Variants in OCIAD1 observed in about 807,000 individuals in gnomAD.
OCIAD1 encodes OCIA domain-containing protein 1.
Under a neutral mutation model 38.9 loss-of-function variants are expected in OCIAD1, and 29 were observed. The observed-to-expected ratio is 0.74, with a 90% CI of 0.55 to 1.02. OCIAD1 has a LOEUF of 1.02. OCIAD1 is among the 50% of genes least tolerant of loss of function. OCIAD1 has a pLI of 0.00. For missense variants in OCIAD1, 288 were observed against 289.6 expected (o/e 0.99, Z 0.04); for synonymous variants, 110 against 92.0 (o/e 1.20, Z -1.12).
chr4:48,835,700 G>A (rs907066206), intron 3 of OCIAD1, among the ~76,000 whole-genome samples: 1 of 152,082 alleles, frequency 6.6e-6, no homozygotes, highest in Non-Finnish European at 1.5e-5. Context: ...CTCCCCAAAT[G>A]GTGGAATTTC....
chr4:48,855,036 C>G (rs1475337837), intron 7 of OCIAD1, among the ~76,000 whole-genome samples: 3 of 152,194 alleles, frequency 2.0e-5, no homozygotes, highest in Admixed American at 2.0e-4. Context: ...AAATTCTCCC[C>G]AGTCTTCTTC....
intron 8 of OCIAD1, among the ~76,000 whole-genome samples, chr4:48,857,890 A>G (rs1780217468): frequency 6.6e-6 from 1 of 152,172 alleles, no homozygotes; most frequent in Admixed American, 6.5e-5. Context: ...GTGGTGTCTC[A>G]TGCCTGAAAT....
intron 1 of OCIAD1, among the ~76,000 whole-genome samples, chr4:48,816,443 G>A (rs1480458773): frequency 2.0e-5 from 3 of 151,254 alleles, no homozygotes; most frequent in African/African-American, 7.3e-5. Context: ...CGAGGCAGGG[G>A]AATCGCTTGA....
chr4:48,811,548 C>G (rs1011900402), intron 1 of OCIAD1, among the ~76,000 whole-genome samples: 1 of 152,194 alleles, frequency 6.6e-6, no homozygotes, highest in Non-Finnish European at 1.5e-5. Context: ...CAGATATCTG[C>G]ATAATACAAT....
In OCIAD1 at chr4:48,833,498, A is replaced by G. The variant is rs1424734312; in HGVS notation, c.139+17A>G. ...GGTTCAGATGTGAGTTCAATTTTCTAATTAATATAATTTGATCCAAAATTT... is the reference window on the plus strand; with the variant it reads ...GGTTCAGATGTGAGTTCAATTTTCTGATTAATATAATTTGATCCAAAATTT... On this transcript the variant is annotated intron_variant, in intron 3 of 8. Coordinates refer to ENST00000264312, the MANE Select transcript of OCIAD1 (RefSeq NM_017830.4). The G allele has an allele frequency of 4.1e-6, 6 of 1,452,728 alleles. No individual in the cohort carries two copies. Among genetic ancestry groups the G allele is most frequent in the Non-Finnish European group, 3.8e-6 (4 of 1,051,420 alleles). 90.0% of individuals were successfully genotyped at this position (1,452,728 alleles called of 1,614,324 possible).
chr4:48,836,712 GAT>G (rs1314293231), intron 3 of OCIAD1, among the ~76,000 whole-genome samples: 1 of 152,210 alleles, frequency 6.6e-6, no homozygotes, highest in Non-Finnish European at 1.5e-5. Context: ...CAGTTAGGAA[GAT>G]AGAGGAGCTC....
intron 3 of OCIAD1, among the ~76,000 whole-genome samples, chr4:48,835,714 C>A (rs1290017880): frequency 6.6e-6 from 1 of 152,116 alleles, no homozygotes; most frequent in African/African-American, 2.4e-5. Context: ...GAATTTCAAG[C>A]ATGAGCCACT....
intron 7 of OCIAD1, among the ~76,000 whole-genome samples, chr4:48,854,291 G>C (rs1779807908): frequency 6.6e-6 from 1 of 152,112 alleles, no homozygotes; most frequent in Non-Finnish European, 1.5e-5. Context: ...GCTGGACAAA[G>C]GGATGATTCA....
intron 6 of OCIAD1, among the ~76,000 whole-genome samples, chr4:48,850,596 A>G (rs1779351350): frequency 6.6e-6 from 1 of 152,104 alleles, no homozygotes; most frequent in African/African-American, 2.4e-5. Context: ...GTTTTGAGAC[A>G]GAGTTTCACT....
Position 48,849,948 on chromosome 4 carries a change from T to C in OCIAD1, c.243T>C (p.Leu81=). ...TTTTTGTTTGATTTTACAAATAAGT[T>C]GCTTGTATCATGGGATACTTTGCTG... The part of the protein sequence containing the change: ...PKYGSIPKLI[L]ACIMGYFAGK... Residue 81 remains leucine, a splice_region_variant and synonymous_variant, in exon 6 of 9, where the codon CTT becomes CTC. Transcript: ENST00000264312. The C allele has an allele frequency of 6.3e-7, 1 of 1,599,614 alleles. No homozygotes were observed. The highest frequency in any genetic ancestry group is 1.1e-5 in the South Asian group (1 of 87,140).
chr4:48,817,411 G>A (rs756119111), intron 1 of OCIAD1, among the ~76,000 whole-genome samples: 10 of 151,728 alleles, frequency 6.6e-5, no homozygotes, highest in Admixed American at 1.3e-4. Flanking sequence ...CTACCCAGCC[G>A]GGTTACTACA....
chr4:48,829,086 T>A (rs1777285895), upstream of OCIAD1, among the ~76,000 whole-genome samples: 1 of 152,084 alleles, frequency 6.6e-6, no homozygotes. Flanking sequence ...GTAGTGAAAC[T>A]CTGTCTCTTC....
chr4:48,812,211 A>G (rs1049230641), intron 1 of OCIAD1, among the ~76,000 whole-genome samples: 2 of 126,612 alleles, frequency 1.6e-5, no homozygotes, highest in African/African-American at 6.0e-5. Flanking sequence ...TGAACCCAGG[A>G]GGTGGAGGTT....
At chr4:48,821,647 C>T (rs1207599769) in intron 1 of OCIAD1, among the ~76,000 whole-genome samples, 1 of 152,176 alleles carries the variant, frequency 6.6e-6, no homozygotes, top group African/African-American at 2.4e-5. Context: ...TAGAAAACCA[C>T]ATTGTCTCAG....
intron 1 of OCIAD1, among the ~76,000 whole-genome samples, chr4:48,806,995 C>G (rs1450719267): frequency 6.6e-6 from 1 of 152,114 alleles, no homozygotes; most frequent in Non-Finnish European, 1.5e-5. Flanking sequence ...CCTCAAACTC[C>G]TGGGCTCAAG....
intron 8 of OCIAD1, among the ~76,000 whole-genome samples, chr4:48,859,307 C>T (rs1186541230): frequency 6.6e-6 from 1 of 152,068 alleles, no homozygotes; most frequent in Non-Finnish European, 1.5e-5. Context: ...TAAACTGCAT[C>T]TAGTGGCCAT....
At chr4:48,835,182 C>T (rs912813248) in intron 3 of OCIAD1, among the ~76,000 whole-genome samples, 1 of 152,144 alleles carries the variant, frequency 6.6e-6, no homozygotes, top group Non-Finnish European at 1.5e-5. Flanking sequence ...GATTCACCTG[C>T]CTTGGCCTCC....
intron 6 of OCIAD1, among the ~76,000 whole-genome samples, chr4:48,850,366 C>T (rs1331405291): frequency 2.0e-5 from 3 of 152,062 alleles, no homozygotes; most frequent in African/African-American, 7.2e-5. Context: ...TCACAAGGCC[C>T]CACTGCCTCA....
At chr4:48,849,892 AC>A in intron 5 of OCIAD1, 54 bp from the exon 6 acceptor site, 6 of 1,498,526 alleles carry the variant, frequency 4.0e-6, no homozygotes, top group Non-Finnish European at 5.4e-6. Flanking sequence ...TTTAGAAAAT[AC>A]TTTTGTCTGA....
Sources: allele counts gnomAD v4.1 joint callset (sites outside exome capture counted in the v4.1 genomes callset), GRCh38; gene constraint gnomAD v4.1.1; transcripts MANE v1.5; gene names NCBI Gene and HGNC (gene_info 2026-07-23, HGNC 2026-07-21).